Variants in NUBPL observed in about 807,000 individuals in gnomAD.
NUBPL encodes NUBP iron-sulfur cluster assembly factor, mitochondrial.
NUBPL carries 31 observed loss-of-function variants against 45.7 expected under a neutral mutation model. That is an observed-to-expected ratio of 0.68 (90% CI 0.51 to 0.92). The LOEUF is 0.92. Ranked by LOEUF, NUBPL falls within the 40% of genes least tolerant of loss-of-function variation. The probability of loss-of-function intolerance (pLI) is 0.00; values close to 1 mark genes in which losing one functional copy is unlikely to be tolerated. For synonymous variants in NUBPL, 144 were observed against 140.9 expected (o/e 1.02, Z -0.15); for missense variants, 401 against 398.7 (o/e 1.01, Z -0.05).
intron 7 of NUBPL, among the ~76,000 whole-genome samples, chr14:31,813,442 C>T (rs1480119524): frequency 7.8e-4 from 2 of 2,572 alleles, no homozygotes; most frequent in South Asian, 0.023. Context: ...TTGCTATACA[C>T]ACACACACAC....
intron 6 of NUBPL, among the ~76,000 whole-genome samples, chr14:31,786,999 TG>T (rs1395203670): frequency 6.6e-6 from 1 of 152,088 alleles, no homozygotes; most frequent in Non-Finnish European, 1.5e-5. Context: ...TTCTTGGCAG[TG>T]GAGAAAGAGA....
intron 7 of NUBPL, among the ~76,000 whole-genome samples, chr14:31,818,212 G>A (rs1187487699): frequency 1.3e-5 from 2 of 152,096 alleles, no homozygotes; most frequent in African/African-American, 4.8e-5. Flanking sequence ...AATAGTGGGA[G>A]ACTTTAGCAC....
chr14:31,616,408 AC>A lies in NUBPL; in HGVS notation c.382+17030del, dbSNP rs529961997. On this transcript the variant is annotated intron_variant, in intron 4 of 10. Coordinates refer to ENST00000281081, the MANE Select transcript of NUBPL (RefSeq NM_025152.3). ...CTAGGGTTTTATGGTTTTAGGTCTT[AC>A]GTTTAAGTCTTTAATCCATCTTGAG... 3.9e-4 allele frequency among the ~76,000 whole-genome samples: 59 copies of A among 152,220 alleles called. 1 individual carries two copies. Among genetic ancestry groups the A allele is most frequent in the African/African-American group, 1.3e-3 (52 of 41,542 alleles).
intron 4 of NUBPL, among the ~76,000 whole-genome samples, chr14:31,599,750 T>C (rs1038148597): frequency 1.3e-5 from 2 of 152,102 alleles, no homozygotes; most frequent in Admixed American, 1.3e-4. Flanking sequence ...AAAGCAGTCA[T>C]AGTGGTGGTG....
At chr14:31,761,679 A>G (rs2038812835) in intron 6 of NUBPL, among the ~76,000 whole-genome samples, 1 of 152,182 alleles carries the variant, frequency 6.6e-6, no homozygotes, top group African/African-American at 2.4e-5. Context: ...ACATATAAAT[A>G]TATCTCATTC....
chr14:31,803,314 C>T (rs957935824), intron 7 of NUBPL, among the ~76,000 whole-genome samples: 1 of 152,058 alleles, frequency 6.6e-6, no homozygotes, highest in Admixed American at 6.6e-5. Flanking sequence ...TATTTTTTCA[C>T]TTCCTATTTT....
chr14:31,567,850 T>C (rs921735742), intron 3 of NUBPL, among the ~76,000 whole-genome samples: 1 of 152,208 alleles, frequency 6.6e-6, no homozygotes, highest in African/African-American at 2.4e-5. Context: ...TCAGAAACCC[T>C]GGGGATAGAG....
intron 6 of NUBPL, among the ~76,000 whole-genome samples, chr14:31,769,087 G>A (rs947735371): frequency 6.6e-6 from 1 of 152,134 alleles, no homozygotes; most frequent in Non-Finnish European, 1.5e-5. Context: ...ATTCTCATTG[G>A]TTTACACAAA....
intron 8 of NUBPL, among the ~76,000 whole-genome samples, chr14:31,827,692 T>A (rs2040127911): frequency 6.6e-6 from 1 of 152,196 alleles, no homozygotes; most frequent in Non-Finnish European, 1.5e-5. Flanking sequence ...GAGTCTCATG[T>A]TTTTTCTCTC....
Position 31,710,581 on chromosome 14 carries a change from G to C in NUBPL, c.513+37007G>C, listed in dbSNP as rs775301391. Among the ~76,000 whole-genome samples, 103 of 152,160 alleles carry C rather than the reference G, an allele frequency of 6.8e-4. 1 individual carries two copies. The highest frequency in any genetic ancestry group is 1.2e-3 in the Non-Finnish European group (80 of 68,038). Reference sequence around the variant, plus strand: ...AAAATCAGATTTAGTGGCTGTTACAGACGCATTCTCGAAAACCTGTTAGAG... The same window carrying C: ...AAAATCAGATTTAGTGGCTGTTACACACGCATTCTCGAAAACCTGTTAGAG... On this transcript the variant is annotated intron_variant, in intron 6 of 10. Coordinates refer to ENST00000281081, the MANE Select transcript of NUBPL (RefSeq NM_025152.3).
chr14:31,708,881 C>T (rs189863022), intron 6 of NUBPL, among the ~76,000 whole-genome samples: 2 of 152,244 alleles, frequency 1.3e-5, no homozygotes, highest in Admixed American at 6.5e-5. Context: ...CAGACATGGA[C>T]GAGGGGGCGG....
chr14:31,713,568 G>A (rs1198538597), intron 6 of NUBPL, among the ~76,000 whole-genome samples: 1 of 152,154 alleles, frequency 6.6e-6, no homozygotes, highest in Non-Finnish European at 1.5e-5. Flanking sequence ...TTACGCTTGG[G>A]CTGCTGGGTG....
chr14:31,666,209 T>A (rs2036407128), intron 4 of NUBPL, among the ~76,000 whole-genome samples: 1 of 124,386 alleles, frequency 8.0e-6, no homozygotes, highest in Non-Finnish European at 1.8e-5. Flanking sequence ...ATTGGGGCAT[T>A]TAGCCCATTT....
In NUBPL at chr14:31,837,859, A is replaced by G. The variant is rs535068478; in HGVS notation, c.694-8612A>G. 1.8e-3 allele frequency among the ~76,000 whole-genome samples: 279 copies of G among 152,334 alleles called. 3 individuals are homozygous for G. The highest frequency in any genetic ancestry group is 1.8e-3 in the Non-Finnish European group (123 of 68,038). On this transcript the variant is annotated intron_variant, in intron 8 of 10. Coordinates refer to ENST00000281081, the MANE Select transcript of NUBPL (RefSeq NM_025152.3). ...ACCATAGTAGAAAAGATAGCTGGGC[A>G]CAGACTCCAGAAAAATGAGGACAAA... is the stretch of plus-strand genomic sequence containing the variant.
At chr14:31,628,295 A>T (rs2035259538) in intron 4 of NUBPL, among the ~76,000 whole-genome samples, 1 of 152,232 alleles carries the variant, frequency 6.6e-6, no homozygotes. Flanking sequence ...TCTTATAGCC[A>T]TGCATGATTT....
intron 6 of NUBPL, among the ~76,000 whole-genome samples, chr14:31,739,075 G>T (rs374924131): frequency 2.0e-5 from 3 of 150,380 alleles, no homozygotes; most frequent in East Asian, 1.9e-4. Context: ...GTGCAGTGGC[G>T]CAATCTCAGC....
chr14:31,846,389 A>C, intron 8 of NUBPL, 82 bp from the exon 9 acceptor site: 2 of 1,088,020 alleles, frequency 1.8e-6, no homozygotes, highest in Non-Finnish European at 1.4e-6. Flanking sequence ...AGAACTCAGT[A>C]GGCACTCTGT....
chr14:31,783,061 G>A (rs755415702), intron 6 of NUBPL, among the ~76,000 whole-genome samples: 11 of 152,138 alleles, frequency 7.2e-5, no homozygotes, highest in Non-Finnish European at 1.0e-4. Context: ...CAGAGCACCA[G>A]GATTTTACAT....
intron 7 of NUBPL, among the ~76,000 whole-genome samples, chr14:31,800,445 A>G (rs2039565479): frequency 2.0e-5 from 3 of 152,216 alleles, no homozygotes; most frequent in Non-Finnish European, 4.4e-5. Context: ...GATCACCATA[A>G]CAGATATAAC....
Sources: gnomAD v4.1 joint callset for allele counts (sites outside exome capture counted in the v4.1 genomes callset) on GRCh38, gnomAD v4.1.1 for gene constraint, MANE v1.5 for transcripts, NCBI Gene and HGNC (gene_info 2026-07-23, HGNC 2026-07-21) for gene names.